The following ELMO1 variants were observed in gnomAD, a reference collection of about 807,000 sequenced individuals.
ELMO1 encodes the protein engulfment and cell motility protein 1.
In ELMO1, 26 loss-of-function variants were observed where a neutral mutation model predicts 98.9. That is an observed-to-expected ratio of 0.26 (90% CI 0.19 to 0.36). The LOEUF (loss-of-function observed/expected upper bound fraction) is 0.36, where lower values mean the gene tolerates loss of function less well. Ranked by LOEUF, ELMO1 falls within the 10% of genes least tolerant of loss-of-function variation. The pLI is 1.00. For missense variants in ELMO1, 627 were observed against 935.2 expected, an observed-to-expected ratio of 0.67 and a Z score of 4.30; for synonymous variants, 346 against 346.0, an observed-to-expected ratio of 1.00 and a Z score of 0.00.
intron 16 of ELMO1, among the ~76,000 whole-genome samples, chr7:36,906,464 C>T (rs566971532): frequency 7.9e-5 from 12 of 152,174 alleles, no homozygotes; most frequent in Non-Finnish European, 1.8e-4. Context: ...TACATTTTTT[C>T]TAATAAGTTG....
intron 18 of ELMO1, among the ~76,000 whole-genome samples, chr7:36,880,901 G>A (rs1346088474): frequency 6.6e-6 from 1 of 152,168 alleles, no homozygotes; most frequent in Admixed American, 6.5e-5. Flanking sequence ...AAACCCAAAG[G>A]GTCTGCAGCG....
rs761429850 is a variant in ELMO1, at chr7:37,222,649, G to A, written c.746C>T (p.Ala249Val). 6.2e-6 allele frequency: 10 copies of A among 1,614,052 alleles called. No homozygotes were observed. The highest frequency in any genetic ancestry group is 1.7e-5 in the Admixed American group (1 of 60,024). Residue 249 changes from alanine to valine, a missense_variant, in exon 10 of 22, where the codon GCG (alanine) becomes GTG (valine). Ala to Val is a moderately conservative substitution (Grantham distance 64). This residue lies in a region of ELMO1 where 492 missense variants were observed against 715.6 expected (regional missense o/e 0.69). Transcript: ENST00000310758. ...IQTYTIAVIN[A>V]LFLKAPDERR... ...CTCATCAGGAGCCTTCAGGAAAAGC[G>A]CATTAATCACTGCAATAGTATAGGT...
intron 8 of ELMO1, among the ~76,000 whole-genome samples, chr7:37,227,500 C>T (rs1337041315): frequency 6.6e-6 from 1 of 152,178 alleles, no homozygotes; most frequent in African/African-American, 2.4e-5. Context: ...ATTCTCCTGC[C>T]TCAGCCTCTT....
intron 1 of ELMO1, among the ~76,000 whole-genome samples, chr7:37,388,372 T>C (rs1050791777): frequency 6.6e-6 from 1 of 151,358 alleles, no homozygotes; most frequent in Non-Finnish European, 1.5e-5. Context: ...TACAGTGTTG[T>C]AATAAGTAAT....
chr7:37,040,654 T>A (rs1260129492), intron 15 of ELMO1, among the ~76,000 whole-genome samples: 6 of 152,160 alleles, frequency 3.9e-5, no homozygotes, highest in Admixed American at 3.9e-4. Context: ...TTACTGCCTG[T>A]TAGTGTATTT....
At chr7:37,191,077 T>A (rs1791540630) in intron 13 of ELMO1, among the ~76,000 whole-genome samples, 1 of 149,592 alleles carries the variant, frequency 6.7e-6, no homozygotes, top group African/African-American at 2.5e-5. Flanking sequence ...TGGTCCCAGC[T>A]ACTCAGGAGG....
intron 5 of ELMO1, among the ~76,000 whole-genome samples, chr7:37,264,480 A>G (rs1326013863): frequency 3.9e-5 from 6 of 152,184 alleles, no homozygotes; most frequent in South Asian, 2.1e-4. Context: ...TGCATTTTCC[A>G]TAATGAATTT....
intron 16 of ELMO1, among the ~76,000 whole-genome samples, chr7:36,995,438 G>C (rs1410629212): frequency 3.3e-5 from 5 of 151,904 alleles, no homozygotes; most frequent in Non-Finnish European, 1.5e-5. Context: ...AACCCAGGAT[G>C]TGGAGGTTGC....
chr7:37,364,624 T>C (rs888987034), intron 1 of ELMO1, among the ~76,000 whole-genome samples: 4 of 151,006 alleles, frequency 2.6e-5, no homozygotes, highest in African/African-American at 7.3e-5. Context: ...GTAATTAAGA[T>C]AGGGAAAATT....
intron 15 of ELMO1, chr7:37,013,675 C>T (rs577464581): frequency 1.8e-5 from 8 of 455,982 alleles, no homozygotes; most frequent in Non-Finnish European, 3.2e-5. Flanking sequence ...AAAAGTCAGT[C>T]CCTAACCCAT....
intron 15 of ELMO1, among the ~76,000 whole-genome samples, chr7:37,074,532 T>A (rs187601567): frequency 2.7e-4 from 41 of 152,308 alleles, no homozygotes; most frequent in Non-Finnish European, 5.7e-4. Context: ...GTGGCCTGGG[T>A]TCCCAGGAGG....
chr7:37,292,568 G>A (rs112583659), intron 4 of ELMO1, among the ~76,000 whole-genome samples: 12,363 of 84,228 alleles, frequency 0.15, 742 homozygotes, highest in Middle Eastern at 0.34. Flanking sequence ...GCCGCCCATC[G>A]TCTGAGATGT....
At chr7:37,115,123 G>A (rs180882511) in intron 14 of ELMO1, among the ~76,000 whole-genome samples, 129 of 152,188 alleles carry the variant, frequency 8.5e-4, no homozygotes, top group African/African-American at 3.0e-3. Flanking sequence ...CTTCCAAAAT[G>A]GAAAGTATCA....
chr7:37,063,547 C>T (rs1796778177), intron 15 of ELMO1, among the ~76,000 whole-genome samples: 1 of 152,108 alleles, frequency 6.6e-6, no homozygotes, highest in Admixed American at 6.5e-5. Context: ...ATAGTATCAG[C>T]AATAGATATG....
At chr7:36,901,521 C>T (rs1806503876) in intron 16 of ELMO1, among the ~76,000 whole-genome samples, 1 of 152,172 alleles carries the variant, frequency 6.6e-6, no homozygotes, top group Non-Finnish European at 1.5e-5. Context: ...ACTTTATTTA[C>T]AAAACACAGG....
Position 36,878,045 on chromosome 7 carries a change from T to C in ELMO1, c.1787A>G (p.Gln596Arg). 1.2e-6 allele frequency: 2 copies of C among 1,614,100 alleles called. No individual in the cohort carries two copies. Among genetic ancestry groups the C allele is most frequent in the Middle Eastern group, 1.7e-4 (1 of 6,058 alleles). ...CAAGGAATCGTGGGGCACTTCTCCC[T>C]GAGGACTCTCTTCTAAGTCTCCGTA... is the stretch of plus-strand genomic sequence containing the variant. ...LHYGDLEESP[Q>R]GEVPHDSLQD... Residue 596 changes from glutamine (Q) to arginine (R), a missense_variant, in exon 19 of 22, where the codon CAG becomes CGG. Physicochemically the swap from Gln to Arg is conservative, Grantham distance 43. Transcript: ENST00000310758.
intron 1 of ELMO1, among the ~76,000 whole-genome samples, chr7:37,410,568 G>A (rs1332262761): frequency 6.6e-6 from 1 of 152,100 alleles, no homozygotes; most frequent in Non-Finnish European, 1.5e-5. Context: ...CCTACACAGT[G>A]GGTCTTCTAC....
chr7:37,082,393 A>C (rs918380979), intron 15 of ELMO1, among the ~76,000 whole-genome samples: 1 of 151,894 alleles, frequency 6.6e-6, no homozygotes, highest in Non-Finnish European at 1.5e-5. Context: ...AAGGAGAAAA[A>C]CATGCAGAAT....
At chr7:37,166,227 CTT>C (rs897811437) in intron 13 of ELMO1, among the ~76,000 whole-genome samples, 1 of 152,128 alleles carries the variant, frequency 6.6e-6, no homozygotes, top group Non-Finnish European at 1.5e-5. Flanking sequence ...ATTCTTCTCT[CTT>C]TTTTTCTTTA....
Sources: allele counts gnomAD v4.1 joint callset (sites outside exome capture counted in the v4.1 genomes callset), GRCh38; gene constraint gnomAD v4.1.1; regional missense constraint gnomAD v4.1.1; transcripts MANE v1.5; gene names NCBI Gene and HGNC (gene_info 2026-07-23, HGNC 2026-07-21).